The following LUZP2 variants were observed in gnomAD, a reference collection of about 807,000 sequenced individuals.
The protein encoded by LUZP2 is leucine zipper protein 2.
In LUZP2, 52 loss-of-function variants were observed where a neutral mutation model predicts 51.6. That is an observed-to-expected ratio of 1.01 (90% CI 0.81 to 1.27). The LOEUF is 1.27. Ranked by LOEUF, LUZP2 falls within the 50% of genes most tolerant of loss-of-function variation. The probability of loss-of-function intolerance (pLI) is 0.00; values close to 1 mark genes in which losing one functional copy is unlikely to be tolerated. For missense variants in LUZP2, 436 were observed against 395.4 expected, an observed-to-expected ratio of 1.10 and a Z score of -0.87; for synonymous variants, 154 against 137.3, an observed-to-expected ratio of 1.12 and a Z score of -0.85.
intron 7 of LUZP2, among the ~76,000 whole-genome samples, chr11:24,919,537 G>A (rs58569900): frequency 7.5e-6 from 1 of 132,784 alleles, no homozygotes; most frequent in Non-Finnish European, 1.6e-5. Flanking sequence ...TATATATACT[G>A]TATATGTATT....
intron 5 of LUZP2, among the ~76,000 whole-genome samples, chr11:24,843,228 G>C (rs1413455458): frequency 6.6e-6 from 1 of 151,998 alleles, no homozygotes; most frequent in Non-Finnish European, 1.5e-5. Flanking sequence ...TTATTAGTTA[G>C]AATGTTCCCA....
At chr11:24,820,703 G>C (rs1001730801) in intron 5 of LUZP2, among the ~76,000 whole-genome samples, 1 of 152,106 alleles carries the variant, frequency 6.6e-6, no homozygotes, top group Non-Finnish European at 1.5e-5. Context: ...GGGCAAATAT[G>C]ATTCAGAGAT....
rs1036803145 is a variant in LUZP2 at position 24,976,546 on chromosome 11, G to A, written c.523-45G>A. ...TATGACAGATGCTTAAAGTACAGAG[G>A]GAAATTGCAGAATTTATCTAGAAGA... On this transcript the variant is annotated intron_variant, in intron 7 of 11. Coordinates refer to ENST00000336930, the MANE Select transcript of LUZP2 (RefSeq NM_001009909.4). 6.7e-6 allele frequency: 9 copies of A among 1,344,612 alleles called. No homozygotes were observed. In the Admixed American group the frequency reaches 6.7e-5, roughly 10 times the overall value. The allele number at this position is 1,344,612 out of a possible 1,614,324, so 83.3% of individuals were successfully genotyped here.
rs528041196 is a variant in LUZP2, at chr11:24,750,938, T to C, written c.334-12308T>C. Reference sequence around the variant, plus strand: ...AAATGATATTCTTGACTTTCTACACTTTTATAATCAAAATATATGGAAAGT... The same window carrying C: ...AAATGATATTCTTGACTTTCTACACCTTTATAATCAAAATATATGGAAAGT... On this transcript the variant is annotated intron_variant, in intron 4 of 11. Coordinates refer to ENST00000336930, the MANE Select transcript of LUZP2 (RefSeq NM_001009909.4). Among the ~76,000 whole-genome samples the C allele has an allele frequency of 6.6e-5, 10 of 152,322 alleles. No homozygotes were observed. In the South Asian group the frequency reaches 1.9e-3, roughly 28 times the overall value.
chr11:25,036,437 C>T (rs1857864274), intron 9 of LUZP2, among the ~76,000 whole-genome samples: 2 of 151,860 alleles, frequency 1.3e-5, no homozygotes, highest in African/African-American at 4.8e-5. Context: ...TTTCATTGAT[C>T]TCTTATATGG....
intron 1 of LUZP2, among the ~76,000 whole-genome samples, chr11:24,635,090 A>G (rs528757992): frequency 2.0e-4 from 31 of 152,238 alleles, no homozygotes; most frequent in African/African-American, 7.5e-4. Context: ...AAAATGTACA[A>G]TGTTAATGAG....
intron 1 of LUZP2, among the ~76,000 whole-genome samples, chr11:24,713,681 C>CTTT (rs1395580701): frequency 2.3e-5 from 2 of 87,360 alleles, no homozygotes; most frequent in African/African-American, 8.8e-5. Context: ...GAGTGAGAAT[C>CTTT]TGTTTTTTTT....
chr11:25,037,605 T>A (rs1306421655), intron 9 of LUZP2, among the ~76,000 whole-genome samples: 1 of 152,174 alleles, frequency 6.6e-6, no homozygotes, highest in Non-Finnish European at 1.5e-5. Context: ...GCAGTTTTTT[T>A]AAATCTATGT....
chr11:24,972,447 G>A (rs1402071513), intron 7 of LUZP2, among the ~76,000 whole-genome samples: 1 of 151,920 alleles, frequency 6.6e-6, no homozygotes, highest in Admixed American at 6.6e-5. Context: ...CTGAAGCATG[G>A]GGAGATTAAA....
At chr11:24,576,133 C>A (rs1030366298) in intron 1 of LUZP2, among the ~76,000 whole-genome samples, 2 of 152,030 alleles carry the variant, frequency 1.3e-5, no homozygotes, top group African/African-American at 4.8e-5. Flanking sequence ...AAAATGGACA[C>A]CTGGCATGGT....
At chr11:25,063,980 C>T (rs1430438002) in intron 10 of LUZP2, among the ~76,000 whole-genome samples, 1 of 151,614 alleles carries the variant, frequency 6.6e-6, no homozygotes, top group African/African-American at 2.4e-5. Flanking sequence ...CTTCTCACTG[C>T]CTAGGGACTC....
intron 5 of LUZP2, among the ~76,000 whole-genome samples, chr11:24,777,493 A>G (rs961030400): frequency 6.6e-6 from 1 of 152,230 alleles, no homozygotes; most frequent in Non-Finnish European, 1.5e-5. Flanking sequence ...TAAACACTAT[A>G]AAAATCAGAT....
intron 1 of LUZP2, among the ~76,000 whole-genome samples, chr11:24,719,595 C>G (rs1288343772): frequency 3.3e-5 from 5 of 152,180 alleles, no homozygotes; most frequent in African/African-American, 1.2e-4. Context: ...CTATGTAGTA[C>G]ATTGTTTGCA....
chr11:24,611,666 C>T lies in LUZP2; in HGVS notation c.62+114361C>T, dbSNP rs573664804. Among the ~76,000 whole-genome samples, 5 of 152,174 alleles carry T rather than the reference C, an allele frequency of 3.3e-5. No individual in the cohort carries two copies. Among genetic ancestry groups the T allele is most frequent in the Admixed American group, 1.3e-4 (2 of 15,262 alleles). Reference sequence around the variant, plus strand: ...TCGTCATCATCATCATCATCCCTGGCGTTTATTGAGCCCTCCTTCAACACA... The same window carrying T: ...TCGTCATCATCATCATCATCCCTGGTGTTTATTGAGCCCTCCTTCAACACA... On this transcript the variant is annotated intron_variant, in intron 1 of 11. Coordinates refer to ENST00000336930, the MANE Select transcript of LUZP2 (RefSeq NM_001009909.4). The surrounding 1 kb of genome is among the most constrained non-coding windows in gnomAD (Gnocchi z 4.6).
intron 9 of LUZP2, among the ~76,000 whole-genome samples, chr11:25,024,455 G>C (rs952571046): frequency 3.3e-5 from 5 of 152,082 alleles, no homozygotes; most frequent in African/African-American, 9.7e-5. Flanking sequence ...AAAGTCTCAG[G>C]ATACAAAATC....
intron 1 of LUZP2, among the ~76,000 whole-genome samples, chr11:24,670,894 GCTAT>G (rs759391143): frequency 4.0e-5 from 6 of 151,800 alleles, no homozygotes; most frequent in African/African-American, 9.6e-5. Flanking sequence ...TTTCTATGTA[GCTAT>G]CTATCTGTAA....
intron 1 of LUZP2, among the ~76,000 whole-genome samples, chr11:24,711,420 A>C (rs921616836): frequency 2.0e-5 from 3 of 151,980 alleles, no homozygotes; most frequent in African/African-American, 7.3e-5. Context: ...ACTGCACTCC[A>C]GCCTGGGCGA....
intron 5 of LUZP2, among the ~76,000 whole-genome samples, chr11:24,843,826 A>G (rs1474086804): frequency 6.6e-6 from 1 of 152,126 alleles, no homozygotes; most frequent in Non-Finnish European, 1.5e-5. Flanking sequence ...GTTTTAAAAA[A>G]AGAGAGTTTC....
intron 9 of LUZP2, among the ~76,000 whole-genome samples, chr11:25,019,610 T>C (rs1857269078): frequency 6.6e-6 from 1 of 152,178 alleles, no homozygotes; most frequent in Non-Finnish European, 1.5e-5. Context: ...CATTTTTATG[T>C]CCTCCTTTCT....
Sources: allele counts gnomAD v4.1 joint callset (sites outside exome capture counted in the v4.1 genomes callset), GRCh38; gene constraint gnomAD v4.1.1; non-coding constraint Gnocchi (gnomAD v3.1); transcripts MANE v1.5; gene names NCBI Gene and HGNC (gene_info 2026-07-23, HGNC 2026-07-21).